Variants in PCDH7 observed in about 807,000 individuals in gnomAD.
The protein encoded by PCDH7 is protocadherin 7.
In PCDH7, 17 loss-of-function variants were observed where a neutral mutation model predicts 58.9. The observed-to-expected ratio is 0.29, with a 90% CI of 0.20 to 0.43. The LOEUF (loss-of-function observed/expected upper bound fraction) is 0.43, where lower values mean the gene tolerates loss of function less well. Among genes scored for constraint, PCDH7 ranks in the 20% least tolerant of loss-of-function variants. The pLI, the probability that PCDH7 is intolerant of heterozygous loss-of-function variation, is 1.00. For missense variants in PCDH7, 1,274 were observed against 1,441.0 expected (o/e 0.88, Z 1.88); for synonymous variants, 664 against 616.4 (o/e 1.08, Z -1.14).
At chr4:30,963,684 T>C (rs1272263914) in intron 3 of PCDH7, among the ~76,000 whole-genome samples, 1 of 152,150 alleles carries the variant, frequency 6.6e-6, no homozygotes, top group Non-Finnish European at 1.5e-5. Context: ...CATTTTAGAA[T>C]GTATGATATC....
At chr4:30,928,124 C>T (rs1744123869) in intron 2 of PCDH7, among the ~76,000 whole-genome samples, 1 of 152,124 alleles carries the variant, frequency 6.6e-6, no homozygotes, top group African/African-American at 2.4e-5. Flanking sequence ...TACAGTCATG[C>T]ACCTGTTCAA....
intron 3 of PCDH7, among the ~76,000 whole-genome samples, chr4:31,095,102 T>G (rs973265723): frequency 6.7e-6 from 1 of 149,996 alleles, no homozygotes; most frequent in African/African-American, 2.4e-5. Flanking sequence ...GAATTATAGA[T>G]CTACCAGACA....
intron 1 of PCDH7, among the ~76,000 whole-genome samples, chr4:30,807,063 C>G (rs564461051): frequency 1.3e-5 from 2 of 152,114 alleles, no homozygotes; most frequent in Non-Finnish European, 2.9e-5. Flanking sequence ...AATGTTGACA[C>G]GCATAAAATA....
chr4:30,980,366 CT>C (rs1750447833), intron 3 of PCDH7, among the ~76,000 whole-genome samples: 2 of 151,966 alleles, frequency 1.3e-5, no homozygotes, highest in Admixed American at 1.3e-4. Flanking sequence ...GTGTGTGTGT[CT>C]GTTTCTTGGT....
At chr4:30,857,473 T>C (rs962094156) in intron 1 of PCDH7, among the ~76,000 whole-genome samples, 3 of 152,148 alleles carry the variant, frequency 2.0e-5, no homozygotes, top group African/African-American at 4.8e-5. Flanking sequence ...TTTCAATTTA[T>C]GTCTGTCTGC....
chr4:31,093,839 G>T (rs536891495), intron 3 of PCDH7, among the ~76,000 whole-genome samples: 2 of 152,098 alleles, frequency 1.3e-5, no homozygotes, highest in African/African-American at 4.8e-5. Flanking sequence ...ATATGGGAAA[G>T]CCTACTGTAA....
chr4:30,880,957 C>A (rs1264368548), intron 1 of PCDH7, among the ~76,000 whole-genome samples: 1 of 152,088 alleles, frequency 6.6e-6, no homozygotes, highest in Non-Finnish European at 1.5e-5. Flanking sequence ...CTCTGTGTTA[C>A]ATTCACTGTT....
intron 3 of PCDH7, among the ~76,000 whole-genome samples, chr4:30,997,863 T>C (rs551677452): frequency 1.3e-5 from 2 of 152,228 alleles, no homozygotes; most frequent in South Asian, 2.1e-4. Flanking sequence ...CAGAAGGAAA[T>C]AATCATAAAG....
rs138394410 is a variant in PCDH7, at chr4:31,003,636, G to A, written c.*7+53421G>A. ...AAGGTTCCGATTTGGGGCCAGGCAC[G>A]GTGGCTCACACCTGTAATCCCAGCA... On this transcript the variant is annotated intron_variant, in intron 3 of 3. Coordinates refer to the PCDH7 transcript ENST00000509759. Among the ~76,000 whole-genome samples the A allele has an allele frequency of 5.8e-3, 875 of 152,102 alleles. 6 individuals are homozygous for A. Among genetic ancestry groups the A allele is most frequent in the African/African-American group, 0.02 (835 of 41,496 alleles).
chr4:30,907,927 G>C (rs554276398), intron 1 of PCDH7, among the ~76,000 whole-genome samples: 1 of 152,074 alleles, frequency 6.6e-6, no homozygotes, highest in South Asian at 2.1e-4. Flanking sequence ...GCCATAAAAA[G>C]AATGAGTTCA....
chr4:31,114,632 A>AACACACACACAC lies in PCDH7; in HGVS notation c.*8-27816_*8-27805dup, dbSNP rs34203962. 5.0e-3 allele frequency among the ~76,000 whole-genome samples: 718 copies of AACACACACACAC among 143,678 alleles called. 4 individuals carry two copies. The highest frequency in any genetic ancestry group is 0.017 in the African/African-American group (636 of 38,506). The allele number at this position is 143,678 out of a possible 152,430, so 94.3% of individuals were successfully genotyped here. ...CACCATGCACACACTCACACATACA[A>AACACACACACAC]ACACACACACACACACACACACACA... On this transcript the variant is annotated intron_variant, in intron 3 of 3. Transcript: ENST00000509759.
intron 1 of PCDH7, among the ~76,000 whole-genome samples, chr4:30,864,044 A>G (rs1474759888): frequency 6.6e-6 from 1 of 152,156 alleles, no homozygotes; most frequent in Admixed American, 6.6e-5. Flanking sequence ...TTGGCTCAAT[A>G]CAGTGCACAA....
At chr4:30,966,971 T>C (rs964554123) in intron 3 of PCDH7, among the ~76,000 whole-genome samples, 5 of 152,152 alleles carry the variant, frequency 3.3e-5, no homozygotes, top group African/African-American at 1.2e-4. Context: ...AGTTTCCTTA[T>C]TGCAAAATTG....
intron 3 of PCDH7, among the ~76,000 whole-genome samples, chr4:31,096,959 T>C (rs1179631279): frequency 6.6e-6 from 1 of 151,954 alleles, no homozygotes; most frequent in Non-Finnish European, 1.5e-5. Flanking sequence ...AGTGTGTGCA[T>C]TTGTGTATGT....
chr4:30,899,564 C>A (rs1485584619), intron 1 of PCDH7, among the ~76,000 whole-genome samples: 1 of 152,152 alleles, frequency 6.6e-6, no homozygotes, highest in Non-Finnish European at 1.5e-5. Context: ...CAATAGGAAG[C>A]AGTAGCCTGT....
At chr4:30,827,855 G>A (rs1343083217) in intron 1 of PCDH7, among the ~76,000 whole-genome samples, 1 of 152,096 alleles carries the variant, frequency 6.6e-6, no homozygotes, top group Non-Finnish European at 1.5e-5. Context: ...TGTTGAAGGA[G>A]CAATCCATGC....
At chr4:31,070,180 G>A (rs972465679) in intron 3 of PCDH7, among the ~76,000 whole-genome samples, 1 of 151,934 alleles carries the variant, frequency 6.6e-6, no homozygotes, top group African/African-American at 2.4e-5. Flanking sequence ...ATGTGTGTAC[G>A]AGAATAAATT....
chr4:30,770,964 G>A (rs1721324051), intron 1 of PCDH7, among the ~76,000 whole-genome samples: 1 of 152,128 alleles, frequency 6.6e-6, no homozygotes, highest in Non-Finnish European at 1.5e-5. Context: ...CGAGTAAGCA[G>A]GCAGTTTATG....
chr4:31,117,180 CCTAGGTTTTAT>C (rs1717103187), intron 3 of PCDH7, among the ~76,000 whole-genome samples: 2 of 152,122 alleles, frequency 1.3e-5, no homozygotes, highest in South Asian at 4.1e-4. Flanking sequence ...CCGCTCCCGG[CCTAGGTTTTAT>C]GTAATATATG....
Sources: allele counts gnomAD v4.1 joint callset (sites outside exome capture counted in the v4.1 genomes callset), GRCh38; gene constraint gnomAD v4.1.1; transcripts MANE v1.5; gene names NCBI Gene and HGNC (gene_info 2026-07-23, HGNC 2026-07-21).